ISCU: variants seen among roughly 807,000 people sequenced by gnomAD.
ISCU encodes the protein iron-sulfur cluster assembly enzyme ISCU.
In ISCU, 13 loss-of-function variants were observed where a neutral mutation model predicts 18.4. The observed-to-expected ratio is 0.71, with a 90% confidence interval of 0.46 to 1.12. The LOEUF (loss-of-function observed/expected upper bound fraction) is 1.12. ISCU is among the 50% of genes most tolerant of loss of function. ISCU has a pLI of 0.00. For missense variants in ISCU, 229 were observed against 208.7 expected, an observed-to-expected ratio of 1.10 and a Z score of -0.60; for synonymous variants, 104 against 87.5, an observed-to-expected ratio of 1.19 and a Z score of -1.06.
upstream of ISCU, chr12:108,562,464 C>CAAGGCGGGGCCAG (rs1200038800): frequency 1.5e-4 from 67 of 451,420 alleles, no homozygotes; most frequent in Non-Finnish European, 2.4e-4. Context: ...GAGGCGTGGT[C>CAAGGCGGGGCCAG]AAGGCGGGGC....
rs1251715634 is a variant in ISCU at position 108,562,670 on chromosome 12, G to A, written c.48G>A (p.Leu16=). 1 of 1,454,586 alleles carries A rather than the reference G, an allele frequency of 6.9e-7. No individual in the cohort carries two copies. The highest frequency in any genetic ancestry group is 9.0e-7 in the Non-Finnish European group (1 of 1,110,990). 90.1% of individuals were successfully genotyped at this position (1,454,586 alleles called of 1,614,324 possible). A position where few individuals can be genotyped will look rare whatever the true frequency, so the allele number is the denominator to read the frequency against. ...AFRLRRAASA[L]LLRSPRLPAR... is the part of the protein sequence containing the mutation. ...GTCTGAGGCGGGCGGCATCGGCTCT[G>A]CTGCTGCGGAGCCCCCGCCTGCCCG... The change falls in exon 1 of 5, where the codon CTG becomes CTA. Residue 16 remains leucine (L), a synonymous_variant. Coordinates refer to ENST00000311893, the MANE Select transcript of ISCU (RefSeq NM_213595.4).
chr12:108,565,894 C>T (rs980651522), intron 3 of ISCU, among the ~76,000 whole-genome samples: 7 of 152,176 alleles, frequency 4.6e-5, no homozygotes, highest in Non-Finnish European at 1.0e-4. Flanking sequence ...GCAAAGTGAA[C>T]AACGAAATCA....
rs770808877 is a variant in ISCU, at chr12:108,565,445, C to A, written c.339+14C>A. On this transcript the variant is annotated intron_variant, in intron 3 of 4. Transcript: ENST00000311893. ...AAAGGAAAGACGGTAAGGTGGCTCA[C>A]AAATCTAATGGGTCAAAAACAAGTA... The A allele has an allele frequency of 2.0e-6, 3 of 1,525,590 alleles. No individual in the cohort carries two copies. In the South Asian group the frequency reaches 3.4e-5, roughly 17 times the overall value. 94.5% of individuals were successfully genotyped at this position (1,525,590 alleles called of 1,614,324 possible). A position where few individuals can be genotyped will look rare whatever the true frequency, so the allele number is the denominator to read the frequency against.
chr12:108,568,881 CAAG>C lies in ISCU; in HGVS notation c.472_474del (p.Glu158del). On this transcript the variant is annotated inframe_deletion, in exon 5 of 5. Coordinates refer to ENST00000311893, the MANE Select transcript of ISCU (RefSeq NM_213595.4). ...CGCCCTGGCTGATTACAAATTGAAACAAGAACCCAAAAAAGGAGAGGCAGAGAA... is the reference window on the plus strand; with the variant it reads ...CGCCCTGGCTGATTACAAATTGAAACAACCCAAAAAAGGAGAGGCAGAGAA... 1 of 1,613,500 alleles carries C rather than the reference CAAG, an allele frequency of 6.2e-7. No homozygotes were observed. Among genetic ancestry groups the C allele is most frequent in the Non-Finnish European group, 8.5e-7 (1 of 1,179,776 alleles).
intron 4 of ISCU, chr12:108,568,296 C>T: frequency 9.0e-7 from 1 of 1,115,472 alleles, no homozygotes; most frequent in Non-Finnish European, 1.1e-6. Context: ...CATAGCCTCA[C>T]TTTGAATATT....
chr12:108,567,430 T>C (rs1373417748), intron 4 of ISCU, 162 bp downstream of exon 4: 1 of 742,824 alleles, frequency 1.3e-6, no homozygotes, highest in Non-Finnish European at 2.4e-6. Context: ...GCCCCCATGG[T>C]CTCACATTCA....
rs560535530 is a variant in ISCU at position 108,562,634 on chromosome 12, T to C, written c.12T>C (p.Ala4=). 2.0e-6 allele frequency: 3 copies of C among 1,476,826 alleles called. No individual in the cohort carries two copies. Among genetic ancestry groups the C allele is most frequent in the African/African-American group, 2.9e-5 (2 of 68,736 alleles). The allele number at this position is 1,476,826 out of a possible 1,614,324, so 91.5% of individuals were successfully genotyped here. A position where few individuals can be genotyped will look rare whatever the true frequency, so the allele number is the denominator to read the frequency against. ...CGCAAGCCGGCAAGATGGCGGCGGC[T>C]GGGGCTTTCCGTCTGAGGCGGGCGG... The part of the protein sequence containing the change: MAA[A]GAFRLRRAAS... The change falls in exon 1 of 5, where the codon GCT becomes GCC. Residue 4 remains alanine, a synonymous_variant. Coordinates refer to ENST00000311893, the MANE Select transcript of ISCU (RefSeq NM_213595.4).
rs1413305942 is a variant in ISCU, at chr12:108,562,736, G to A, written c.114G>A (p.Lys38=). The A allele has an allele frequency of 1.5e-6, 2 of 1,372,730 alleles. No homozygotes were observed. The highest frequency in any genetic ancestry group is 2.8e-5 in the African/African-American group (1 of 36,266). The allele number at this position is 1,372,730 out of a possible 1,614,324, so 85.0% of individuals were successfully genotyped here. A position where few individuals can be genotyped will look rare whatever the true frequency, so the allele number is the denominator to read the frequency against. ...CCCCGGCCCGACTCTATCACAAGAA[G>A]GTAGGGACAAAAGAGGGACGCGCGG... The part of the protein sequence containing the change: ...LSAPARLYHK[K]VVDHYENPRN... Residue 38 remains lysine, a splice_region_variant and synonymous_variant, in exon 1 of 5, where the codon AAG becomes AAA. Coordinates refer to ENST00000311893, the MANE Select transcript of ISCU (RefSeq NM_213595.4).
chr12:108,562,680 A>C lies in ISCU; in HGVS notation c.58A>C (p.Ser20Arg). The part of the protein sequence containing the change: ...RRAASALLLR[S>R]PRLPARELSA... ...GGCGGCATCGGCTCTGCTGCTGCGGAGCCCCCGCCTGCCCGCCCGGGAGCT... is the reference window on the plus strand; with the variant it reads ...GGCGGCATCGGCTCTGCTGCTGCGGCGCCCCCGCCTGCCCGCCCGGGAGCT... The change falls in exon 1 of 5, where the codon AGC (serine) becomes CGC (arginine). Residue 20 changes from serine to arginine, a missense_variant. Ser to Arg is a moderately radical substitution (Grantham distance 110, BLOSUM62 -1). Transcript: ENST00000311893. 1.4e-6 allele frequency: 2 copies of C among 1,451,458 alleles called. No homozygotes were observed. The highest frequency in any genetic ancestry group is 1.8e-6 in the Non-Finnish European group (2 of 1,110,458). The allele number at this position is 1,451,458 out of a possible 1,614,324, so 89.9% of individuals were successfully genotyped here. A position where few individuals can be genotyped will look rare whatever the true frequency, so the allele number is the denominator to read the frequency against.
intron 1 of ISCU, 31 bp downstream of exon 1, chr12:108,562,767 C>T (rs1490262057): frequency 7.6e-7 from 1 of 1,309,150 alleles, no homozygotes; most frequent in Middle Eastern, 1.9e-4. Context: ...CGCGGAATGC[C>T]GACTCAGCGG....
At chr12:108,567,295 A>G in intron 4 of ISCU, 27 bp downstream of exon 4, 1 of 1,574,858 alleles carries the variant, frequency 6.3e-7, no homozygotes, top group Non-Finnish European at 8.7e-7. Context: ...CATACCAGTC[A>G]GCTGGGACAT....
rs555621394 is a variant in ISCU, at chr12:108,562,682, C to T, written c.60C>T (p.Ser20=). ...RRAASALLLR[S]PRLPARELSA... ...CGGCATCGGCTCTGCTGCTGCGGAG[C>T]CCCCGCCTGCCCGCCCGGGAGCTGT... is the stretch of plus-strand genomic sequence containing the variant. Residue 20 remains serine, a synonymous_variant, in exon 1 of 5, where the codon AGC becomes AGT. Transcript: ENST00000311893. The T allele has an allele frequency of 7.5e-6, 11 of 1,469,640 alleles. No homozygotes were observed. Among genetic ancestry groups the T allele is most frequent in the South Asian group, 2.7e-5 (2 of 73,598 alleles). The allele number at this position is 1,469,640 out of a possible 1,614,324, so 91.0% of individuals were successfully genotyped here. A position where few individuals can be genotyped will look rare whatever the true frequency, so the allele number is the denominator to read the frequency against.
intron 2 of ISCU, chr12:108,564,850 G>A (rs1565875136): frequency 3.7e-6 from 1 of 268,970 alleles, no homozygotes. Flanking sequence ...GCTTCATGGT[G>A]AGTGGGCAGC....
Position 108,568,926 on chromosome 12 carries a change from C to T in ISCU, c.*10C>T, listed in dbSNP as rs112767103. On this transcript the variant is annotated 3_prime_UTR_variant, in exon 5 of 5. Transcript: ENST00000311893. ...GGCAGAGAAGAAATGAGCCCTCCCT[C>T]GGCGAAGCCTCCAGCAGGCCACACC... 8 of 1,605,976 alleles carry T rather than the reference C, an allele frequency of 5.0e-6. No individual in the cohort carries two copies. Among genetic ancestry groups the T allele is most frequent in the African/African-American group, 1.3e-5 (1 of 74,838 alleles).
chr12:108,562,647 C>T lies in ISCU; in HGVS notation c.25C>T (p.Leu9=), dbSNP rs561720120. 2.0e-4 allele frequency: 291 copies of T among 1,463,440 alleles called. No individual in the cohort carries two copies. The East Asian group carries it at 7.1e-3, about 35-fold the overall frequency. 90.7% of individuals were successfully genotyped at this position (1,463,440 alleles called of 1,614,324 possible). A position where few individuals can be genotyped will look rare whatever the true frequency, so the allele number is the denominator to read the frequency against. ...GATGGCGGCGGCTGGGGCTTTCCGT[C>T]TGAGGCGGGCGGCATCGGCTCTGCT... MAAAGAFR[L]RRAASALLLR... Residue 9 remains leucine, a synonymous_variant, in exon 1 of 5, where the codon CTG becomes TTG. Coordinates refer to ENST00000311893, the MANE Select transcript of ISCU (RefSeq NM_213595.4).
chr12:108,564,770 C>G (rs1444249366), intron 2 of ISCU, among the ~76,000 whole-genome samples: 1 of 152,196 alleles, frequency 6.6e-6, no homozygotes, highest in Non-Finnish European at 1.5e-5. Flanking sequence ...AAACCTGTCC[C>G]CAGATTGGGG....
chr12:108,568,081 T>G, intron 4 of ISCU: 1 of 1,431,102 alleles, frequency 7.0e-7, no homozygotes, highest in Middle Eastern at 2.1e-4. Context: ...TCAGGAAGCC[T>G]GGTCAGACCT....
intron 4 of ISCU, 84 bp from the exon 5 acceptor site, chr12:108,568,746 TC>T: frequency 6.4e-7 from 1 of 1,552,010 alleles, no homozygotes; most frequent in Non-Finnish European, 8.7e-7. Context: ...CAGCACCACT[TC>T]CTCCCAGCTC....
At chr12:108,567,396 C>A in intron 4 of ISCU, 128 bp downstream of exon 4, 1 of 823,824 alleles carries the variant, frequency 1.2e-6, no homozygotes, top group Non-Finnish European at 2.1e-6. Flanking sequence ...ATGAGTCTGT[C>A]CTTATAACCT....
Sources: gnomAD v4.1 joint callset for allele counts (sites outside exome capture counted in the v4.1 genomes callset) on GRCh38, gnomAD v4.1.1 for gene constraint, MANE v1.5 for transcripts, NCBI Gene and HGNC (gene_info 2026-07-23, HGNC 2026-07-21) for gene names.